The following SIK3 variants were observed in gnomAD, a reference collection of about 807,000 sequenced individuals.
SIK3 encodes SIK family kinase 3.
Under a neutral mutation model 144.2 loss-of-function variants are expected in SIK3, and 28 were observed. The ratio of observed to expected loss-of-function variants is 0.19; its 90% CI spans 0.14 to 0.27. The LOEUF is 0.27. Ranked by LOEUF, SIK3 falls within the 10% of genes least tolerant of loss-of-function variation. SIK3 has a pLI of 1.00. For synonymous variants in SIK3, 686 were observed against 676.3 expected (o/e 1.01, Z -0.22); for missense variants, 1,319 against 1,776.0 (o/e 0.74, Z 4.62).
chr11:116,926,090 C>T (rs991831854), intron 4 of SIK3, among the ~76,000 whole-genome samples: 13 of 152,202 alleles, frequency 8.5e-5, no homozygotes, highest in African/African-American at 3.1e-4. Flanking sequence ...AAAATCCAAA[C>T]TCTCAAATCC....
chr11:116,947,472 A>G (rs1168418107), intron 3 of SIK3, among the ~76,000 whole-genome samples: 6 of 150,460 alleles, frequency 4.0e-5, no homozygotes, highest in Non-Finnish European at 5.9e-5. Context: ...TGAAGTAAAG[A>G]CTATCAATTT....
chr11:116,998,419 T>C (rs1432658624), intron 1 of SIK3, among the ~76,000 whole-genome samples: 1 of 146,928 alleles, frequency 6.8e-6, no homozygotes, highest in Non-Finnish European at 1.5e-5. Flanking sequence ...TGCAGTGAGC[T>C]GAGATCATGC....
At chr11:117,010,592 T>C (rs1030367722) in intron 1 of SIK3, among the ~76,000 whole-genome samples, 2 of 152,102 alleles carry the variant, frequency 1.3e-5, no homozygotes, top group Non-Finnish European at 2.9e-5. Flanking sequence ...ATGGCCACCA[T>C]GCTCCCAGTC....
intron 3 of SIK3, among the ~76,000 whole-genome samples, chr11:116,950,918 C>T (rs1408987297): frequency 1.3e-5 from 2 of 152,226 alleles, no homozygotes; most frequent in Non-Finnish European, 2.9e-5. Context: ...TTTCCAGAGA[C>T]TTTAAATGAC....
chr11:116,875,962 C>T lies in SIK3; in HGVS notation c.1143G>A (p.Leu381=). Residue 381 remains leucine, a synonymous_variant, in exon 9 of 25, where the codon CTG becomes CTA. Coordinates refer to ENST00000445177, the MANE Select transcript of SIK3 (RefSeq NM_001366686.3). The part of the protein sequence containing the change: ...AYDHYSAIYS[L]LCDRHKRHKT... Reference sequence around the variant, plus strand: ...TATGTCTCTTATGTCGATCACACAGCAGGCTGTAGATTGCACTATAGTGAT... The same window carrying T: ...TATGTCTCTTATGTCGATCACACAGTAGGCTGTAGATTGCACTATAGTGAT... 2 of 1,613,640 alleles carry T rather than the reference C, an allele frequency of 1.2e-6. No homozygotes were observed. The highest frequency in any genetic ancestry group is 1.7e-6 in the Non-Finnish European group (2 of 1,179,912).
chr11:116,876,179 G>A (rs1944242975), intron 8 of SIK3, 74 bp downstream of exon 8: 1 of 1,519,724 alleles, frequency 6.6e-7, no homozygotes. Context: ...AAGTTCCCGA[G>A]AAGGCGAAAA....
rs763889362 is a variant in SIK3, at chr11:116,954,123, G to A, written c.391-16C>T. 1.2e-6 allele frequency: 2 copies of A among 1,611,164 alleles called. No homozygotes were observed. The highest frequency in any genetic ancestry group is 8.5e-7 in the Non-Finnish European group (1 of 1,177,648). Reference sequence around the variant, plus strand: ...TCTCCATAACCTGGTGCAAAGGCAGGAAAGTGACAGACAGTGACACAAATG... The same window carrying A: ...TCTCCATAACCTGGTGCAAAGGCAGAAAAGTGACAGACAGTGACACAAATG... On this transcript the variant is annotated splice_polypyrimidine_tract_variant and intron_variant, in intron 2 of 24. Coordinates refer to ENST00000445177, the MANE Select transcript of SIK3 (RefSeq NM_001366686.3).
intron 4 of SIK3, among the ~76,000 whole-genome samples, chr11:116,906,459 T>C (rs1160016732): frequency 6.6e-6 from 1 of 151,974 alleles, no homozygotes; most frequent in African/African-American, 2.4e-5. Flanking sequence ...AAAGAAAAAG[T>C]AGAGAAAAGG....
At chr11:116,993,556 T>C (rs1950562046) in intron 1 of SIK3, among the ~76,000 whole-genome samples, 1 of 152,168 alleles carries the variant, frequency 6.6e-6, no homozygotes, top group South Asian at 2.1e-4. Context: ...TCTAATATAT[T>C]CTAAAAAGTA....
intron 1 of SIK3, among the ~76,000 whole-genome samples, chr11:117,074,011 G>A (rs1331395592): frequency 1.3e-5 from 2 of 152,072 alleles, no homozygotes; most frequent in Non-Finnish European, 1.5e-5. Context: ...GAACTCCTGG[G>A]CTCCTACCTT....
rs1332291682 is a variant in SIK3, at chr11:116,965,748, T to C, written c.274-8684A>G. On this transcript the variant is annotated intron_variant, in intron 1 of 24. Transcript: ENST00000445177. ...GTCTCTGCTAAAATATATATATATA[T>C]ATATATATATATATATATATATATA... 1.2e-4 allele frequency among the ~76,000 whole-genome samples: 5 copies of C among 42,768 alleles called. 1 individual carries two copies. The highest frequency in any genetic ancestry group is 3.7e-4 in the African/African-American group (5 of 13,514). The allele number at this position is 42,768 out of a possible 152,430, so 28.1% of individuals were successfully genotyped here.
intron 1 of SIK3, among the ~76,000 whole-genome samples, chr11:117,013,682 G>A (rs938347859): frequency 1.3e-5 from 2 of 151,540 alleles, no homozygotes; most frequent in Admixed American, 1.3e-4. Context: ...GGCTAAAAAT[G>A]TATACTTTTA....
chr11:116,858,187 A>AAAG lies in SIK3; in HGVS notation c.3275_3277dup (p.Ala1092_Leu1093insSer). Reference sequence around the variant, plus strand: ...ATAAGAGTCAGCATTTTGATAAGATAAAGCCTGGCGCTCTGTCATGCTCTG... The same window carrying AAAG: ...ATAAGAGTCAGCATTTTGATAAGATAAAGAAGCCTGGCGCTCTGTCATGCTCTG... On this transcript the variant is annotated inframe_insertion, in exon 21 of 25. Transcript: ENST00000445177. This position sits in a 1 kb window ranked among gnomAD's most constrained non-coding sequence, Gnocchi z 5.4. The AAAG allele has an allele frequency of 1.9e-6, 3 of 1,614,110 alleles. No individual in the cohort carries two copies. The highest frequency in any genetic ancestry group is 2.5e-6 in the Non-Finnish European group (3 of 1,180,034).
In SIK3 at chr11:117,098,397, T is replaced by TCGCCGCCGCCGCC; in HGVS notation, c.6_18dup (p.Ser7GlyfsTer97). 1 of 1,148,544 alleles carries TCGCCGCCGCCGCC rather than the reference T, an allele frequency of 8.7e-7. No individual in the cohort carries two copies. Among genetic ancestry groups the TCGCCGCCGCCGCC allele is most frequent in the Non-Finnish European group, 1.1e-6 (1 of 937,684 alleles). The allele number at this position is 1,148,544 out of a possible 1,614,324, so 71.1% of individuals were successfully genotyped here. The stretch of plus-strand genomic sequence containing the variant: ...GCCCCGGCAGCCCCGCCAGCTCCGC[T>TCGCCGCCGCCGCC]CGCCGCCGCCGCCGCCATCTTGTTG... On this transcript the variant is annotated frameshift_variant, in exon 1 of 25. Transcript: ENST00000445177. LOFTEE classifies it high-confidence loss of function.
intron 4 of SIK3, among the ~76,000 whole-genome samples, chr11:116,904,362 T>C (rs1403330780): frequency 2.0e-5 from 3 of 152,168 alleles, no homozygotes; most frequent in Non-Finnish European, 4.4e-5. Context: ...TGTAGGGGCA[T>C]ATGGCAAGAA....
At chr11:117,069,747 T>C (rs1050424642) in intron 1 of SIK3, among the ~76,000 whole-genome samples, 3 of 152,188 alleles carry the variant, frequency 2.0e-5, no homozygotes, top group African/African-American at 4.8e-5. Context: ...AGTTTGCCAT[T>C]ACCTCAGAGC....
chr11:117,051,523 T>G (rs940992802), intron 1 of SIK3, among the ~76,000 whole-genome samples: 1 of 151,948 alleles, frequency 6.6e-6, no homozygotes, highest in African/African-American at 2.4e-5. Context: ...GTTTTGGGGT[T>G]TTTTTCCTTG....
At chr11:116,912,027 C>T (rs970639891) in intron 4 of SIK3, among the ~76,000 whole-genome samples, 1 of 152,182 alleles carries the variant, frequency 6.6e-6, no homozygotes, top group East Asian at 1.9e-4. Flanking sequence ...CTTCATGTGG[C>T]CATGGTCATT....
chr11:116,980,678 C>T (rs2135510766), intron 1 of SIK3, among the ~76,000 whole-genome samples: 1 of 152,106 alleles, frequency 6.6e-6, no homozygotes, highest in South Asian at 2.1e-4. Flanking sequence ...CATGGTAAAA[C>T]CCTGTCTCTA....
Sources: allele counts gnomAD v4.1 joint callset (sites outside exome capture counted in the v4.1 genomes callset), GRCh38; gene constraint gnomAD v4.1.1; non-coding constraint Gnocchi (gnomAD v3.1); transcripts MANE v1.5; gene names NCBI Gene and HGNC (gene_info 2026-07-23, HGNC 2026-07-21).